The following C2CD5 variants were observed in gnomAD, a reference collection of about 807,000 sequenced individuals.
C2CD5 encodes the protein C2 calcium dependent domain containing 5.
In C2CD5, 109 loss-of-function variants were observed where a neutral mutation model predicts 130.3. That is an observed-to-expected ratio of 0.84 (90% CI 0.72 to 0.98). The LOEUF (loss-of-function observed/expected upper bound fraction) is 0.98. Ranked by LOEUF, C2CD5 falls within the 50% of genes least tolerant of loss-of-function variation. C2CD5 has a pLI of 0.00. For missense variants in C2CD5, 996 were observed against 1,261.8 expected, an observed-to-expected ratio of 0.79 and a Z score of 3.19; for synonymous variants, 454 against 429.2, an observed-to-expected ratio of 1.06 and a Z score of -0.71.
chr12:22,488,108 T>G (rs1189746597), intron 12 of C2CD5, among the ~76,000 whole-genome samples: 2 of 151,866 alleles, frequency 1.3e-5, no homozygotes, highest in Non-Finnish European at 2.9e-5. Context: ...GACGAGTTAA[T>G]GGGTGCAGCA....
intron 16 of C2CD5, 56 bp from the exon 17 acceptor site, chr12:22,472,863 T>A: frequency 1.0e-6 from 1 of 979,598 alleles, no homozygotes; most frequent in Non-Finnish European, 1.6e-6. Flanking sequence ...TTATTTCACG[T>A]TTTAAAAGAA....
At position 22,500,788 on chromosome 12, in the gene C2CD5, AATAAGT is replaced by A. The variant is rs1241531730; in HGVS notation, c.1147+5917_1147+5922del. On this transcript the variant is annotated intron_variant, in intron 10 of 26. Coordinates refer to ENST00000446597, the MANE Select transcript of C2CD5 (RefSeq NM_001286176.2). ...TCTGAAATAAGAATGTCTAATAATT[AATAAGT>A]ATATTTAATATGGTGGTATATATTT... Among the ~76,000 whole-genome samples the A allele has an allele frequency of 2.6e-5, 4 of 151,952 alleles. No individual in the cohort carries two copies. In the East Asian group the frequency reaches 5.8e-4, roughly 22 times the overall value.
chr12:22,510,981 A>G (rs946859315), intron 9 of C2CD5, among the ~76,000 whole-genome samples: 1 of 152,118 alleles, frequency 6.6e-6, no homozygotes, highest in African/African-American at 2.4e-5. Context: ...AATTAATTAA[A>G]TATCTATTTA....
At chr12:22,468,897 T>C (rs1942538016) in intron 22 of C2CD5, among the ~76,000 whole-genome samples, 1 of 152,180 alleles carries the variant, frequency 6.6e-6, no homozygotes, top group Admixed American at 6.6e-5. Flanking sequence ...GTAGGAATCA[T>C]AAAATAATAT....
intron 11 of C2CD5, among the ~76,000 whole-genome samples, chr12:22,491,022 T>A (rs139789570): frequency 6.6e-6 from 1 of 152,302 alleles, no homozygotes; most frequent in East Asian, 1.9e-4. Flanking sequence ...GAATTAAGGA[T>A]GTCAGAAGGA....
chr12:22,538,597 C>A (rs1366021366), intron 2 of C2CD5, among the ~76,000 whole-genome samples: 4 of 152,188 alleles, frequency 2.6e-5, no homozygotes. Context: ...ATTGACCTCT[C>A]CTCCTAATTT....
At chr12:22,524,651 T>C in intron 5 of C2CD5, 24 bp from the exon 6 acceptor site, 1 of 1,587,276 alleles carries the variant, frequency 6.3e-7, no homozygotes, top group Non-Finnish European at 8.6e-7. Flanking sequence ...TTATTATGCT[T>C]CTGTTTATCA....
intron 25 of C2CD5, among the ~76,000 whole-genome samples, chr12:22,455,138 C>G (rs987663323): frequency 2.0e-5 from 3 of 152,064 alleles, no homozygotes; most frequent in African/African-American, 7.2e-5. Context: ...GAGGATCCTA[C>G]ATATAGTTGT....
intron 24 of C2CD5, 110 bp downstream of exon 24, chr12:22,458,374 C>T (rs1292968904): frequency 6.9e-6 from 3 of 433,426 alleles, no homozygotes; most frequent in East Asian, 3.6e-5. Flanking sequence ...CACTCTAATA[C>T]ATGATGGATT....
chr12:22,472,351 T>C lies in C2CD5; in HGVS notation c.2108-4A>G. ...TCTGTATTACAACTATAAAAGCCTGTCAAAATAAATTGTAATCAAAATATA... is the reference window on the plus strand; with the variant it reads ...TCTGTATTACAACTATAAAAGCCTGCCAAAATAAATTGTAATCAAAATATA... On this transcript the variant is annotated splice_polypyrimidine_tract_variant and splice_region_variant and intron_variant, in intron 17 of 26. Coordinates refer to ENST00000446597, the MANE Select transcript of C2CD5 (RefSeq NM_001286176.2). 1 of 1,354,078 alleles carries C rather than the reference T, an allele frequency of 7.4e-7. No homozygotes were observed. The highest frequency in any genetic ancestry group is 1.0e-6 in the Non-Finnish European group (1 of 969,908). The allele number at this position is 1,354,078 out of a possible 1,614,324, so 83.9% of individuals were successfully genotyped here.
intron 9 of C2CD5, among the ~76,000 whole-genome samples, chr12:22,511,413 C>T (rs761986477): frequency 2.0e-5 from 3 of 152,030 alleles, no homozygotes; most frequent in Non-Finnish European, 4.4e-5. Flanking sequence ...ATAGGAAAGC[C>T]AAAGATGATA....
intron 10 of C2CD5, among the ~76,000 whole-genome samples, chr12:22,499,332 G>A (rs894564597): frequency 6.6e-5 from 10 of 152,186 alleles, no homozygotes; most frequent in Non-Finnish European, 1.5e-4. Context: ...ATAGTTAAGA[G>A]TACAGGTTCT....
intron 9 of C2CD5, among the ~76,000 whole-genome samples, chr12:22,508,968 C>G (rs1032955613): frequency 6.6e-6 from 1 of 151,628 alleles, no homozygotes; most frequent in Non-Finnish European, 1.5e-5. Flanking sequence ...GCTCCGCTTC[C>G]CGGGTTCACG....
intron 16 of C2CD5, among the ~76,000 whole-genome samples, chr12:22,474,054 A>T (rs995709551): frequency 2.0e-5 from 3 of 152,076 alleles, no homozygotes; most frequent in Non-Finnish European, 4.4e-5. Context: ...CTCCAATCCC[A>T]TCCCAACACA....
At position 22,471,992 on chromosome 12, in the gene C2CD5, T is replaced by C. The variant is rs372656896; in HGVS notation, c.2243A>G (p.Asn748Ser). Residue 748 changes from asparagine (N) to serine (S), a missense_variant, in exon 19 of 27, where the codon AAT becomes AGT. By Grantham distance (46) the Asn-to-Ser change is conservative. Transcript: ENST00000446597. Reference protein sequence around the residue: ...LTNQALNKNFNDLCENLLKSL... With the variant: ...LTNQALNKNFSDLCENLLKSL... ...CTTGAGCAAATTTTCACAGAGATCA[T>C]TAAAGTTCTTATTGAGAGCTTGATT... is the stretch of plus-strand genomic sequence containing the variant. 74 of 1,606,906 alleles carry C rather than the reference T, an allele frequency of 4.6e-5. No homozygotes were observed. Among genetic ancestry groups the C allele is most frequent in the Non-Finnish European group, 5.8e-5 (68 of 1,174,194 alleles).
At chr12:22,457,247 A>ATGTT in intron 24 of C2CD5, 86 bp from the exon 25 acceptor site, 1 of 863,008 alleles carries the variant, frequency 1.2e-6, no homozygotes, top group Non-Finnish European at 1.8e-6. Context: ...AGTGGTGACA[A>ATGTT]CATTCAGCTG....
chr12:22,538,849 AG>A (rs1952071400), intron 2 of C2CD5, among the ~76,000 whole-genome samples: 1 of 152,118 alleles, frequency 6.6e-6, no homozygotes, highest in Non-Finnish European at 1.5e-5. Context: ...CCCAGGATAA[AG>A]GTTTCTCATG....
At chr12:22,491,300 C>G (rs999360182) in intron 11 of C2CD5, among the ~76,000 whole-genome samples, 1 of 152,152 alleles carries the variant, frequency 6.6e-6, no homozygotes, top group African/African-American at 2.4e-5. Flanking sequence ...AGTCTACATC[C>G]TGTGGCCTTC....
chr12:22,478,543 A>C, intron 14 of C2CD5, 66 bp from the exon 15 acceptor site: 1 of 1,392,240 alleles, frequency 7.2e-7, no homozygotes, highest in Non-Finnish European at 9.9e-7. Context: ...TTAAGTTTTC[A>C]TATTTAAGAA....
Sources: allele counts gnomAD v4.1 joint callset (sites outside exome capture counted in the v4.1 genomes callset), GRCh38; gene constraint gnomAD v4.1.1; transcripts MANE v1.5; gene names NCBI Gene and HGNC (gene_info 2026-07-23, HGNC 2026-07-21).